SYNPR: variants seen among roughly 807,000 people sequenced by gnomAD.
SYNPR encodes the protein synaptoporin.
In SYNPR, 23 loss-of-function variants were observed where a neutral mutation model predicts 32.9. The ratio of observed to expected loss-of-function variants is 0.70; its 90% CI spans 0.50 to 0.99. SYNPR has a LOEUF of 0.99. Among genes scored for constraint, SYNPR ranks in the 50% least tolerant of loss-of-function variants. SYNPR has a pLI of 0.00. For missense variants in SYNPR, 318 were observed against 349.3 expected (o/e 0.91, Z 0.71); for synonymous variants, 146 against 135.9 (o/e 1.07, Z -0.52).
chr3:63,252,100 A>T (rs1032747880), intron 1 of SYNPR, among the ~76,000 whole-genome samples: 1 of 152,056 alleles, frequency 6.6e-6, no homozygotes, highest in Non-Finnish European at 1.5e-5. Context: ...GATATAAAAG[A>T]TCTGCAAGAT....
chr3:63,561,640 T>C (rs1014532915), intron 4 of SYNPR: 3 of 152,202 alleles, frequency 2.0e-5, no homozygotes, highest in African/African-American at 4.8e-5. Flanking sequence ...TCTGGAGATA[T>C]GGAATGACAG....
chr3:63,556,466 T>C (rs1275537834), intron 3 of SYNPR, 77 bp from the exon 4 acceptor site: 3 of 1,345,560 alleles, frequency 2.2e-6, no homozygotes, highest in East Asian at 2.5e-5. Flanking sequence ...CATTTTGCTT[T>C]AGAAGATGTA....
At chr3:63,308,705 A>C (rs1052952208) in intron 2 of SYNPR, among the ~76,000 whole-genome samples, 1 of 151,940 alleles carries the variant, frequency 6.6e-6, no homozygotes, top group African/African-American at 2.4e-5. Context: ...TCCTCTGTAC[A>C]TAATGTGTCT....
intron 2 of SYNPR, among the ~76,000 whole-genome samples, chr3:63,429,811 T>C (rs1699960032): frequency 6.6e-6 from 1 of 152,228 alleles, no homozygotes; most frequent in Non-Finnish European, 1.5e-5. Flanking sequence ...TGCTCCTTCA[T>C]TGTTTTTGTG....
chr3:63,588,878 G>T (rs532373946), intron 4 of SYNPR, among the ~76,000 whole-genome samples: 1 of 152,052 alleles, frequency 6.6e-6, no homozygotes, highest in South Asian at 2.1e-4. Flanking sequence ...AAGAGGGATA[G>T]GGTTGCAGGT....
chr3:63,272,341 A>G (rs915078547), intron 3 of SYNPR, among the ~76,000 whole-genome samples: 1 of 152,162 alleles, frequency 6.6e-6, no homozygotes, highest in African/African-American at 2.4e-5. Context: ...TAGAGCCAGG[A>G]TATGATGAAC....
At chr3:63,256,456 C>A (rs2086384566) in intron 2 of SYNPR, among the ~76,000 whole-genome samples, 1 of 152,218 alleles carries the variant, frequency 6.6e-6, no homozygotes, top group Admixed American at 6.5e-5. Flanking sequence ...CCCAGGCAAA[C>A]AGGGTCTGGA....
chr3:63,478,062 G>T (rs1437631124), intron 2 of SYNPR, among the ~76,000 whole-genome samples: 1 of 152,152 alleles, frequency 6.6e-6, no homozygotes, highest in Non-Finnish European at 1.5e-5. Flanking sequence ...AAGCCCATAG[G>T]TATCATATTT....
intron 2 of SYNPR, among the ~76,000 whole-genome samples, chr3:63,438,111 G>A (rs1241332114): frequency 2.6e-5 from 4 of 152,170 alleles, no homozygotes; most frequent in Non-Finnish European, 5.9e-5. Context: ...TTGGGCTGAG[G>A]ATACAGAGAT....
chr3:63,280,309 A>T (rs4688386), intron 2 of SYNPR, among the ~76,000 whole-genome samples: 96,995 of 151,962 alleles, frequency 0.64, 31,465 homozygotes, highest in South Asian at 0.73. Flanking sequence ...TACAGGTTTC[A>T]GGCTACCAAA....
intron 1 of SYNPR, among the ~76,000 whole-genome samples, chr3:63,244,931 G>C (rs1030661214): frequency 6.6e-6 from 1 of 152,008 alleles, no homozygotes; most frequent in Non-Finnish European, 1.5e-5. Context: ...CTGCTTCAAA[G>C]AAATAATCAA....
intron 2 of SYNPR, among the ~76,000 whole-genome samples, chr3:63,412,175 GT>G (rs1560222561): frequency 1.3e-5 from 2 of 152,236 alleles, no homozygotes; most frequent in East Asian, 3.9e-4. Flanking sequence ...CACTGGAAGA[GT>G]ATCAGATTTG....
intron 2 of SYNPR, among the ~76,000 whole-genome samples, chr3:63,305,902 G>T (rs1264392967): frequency 1.3e-5 from 2 of 151,962 alleles, no homozygotes; most frequent in Non-Finnish European, 2.9e-5. Context: ...AATGGCTAAA[G>T]ATGTTAAAAC....
At chr3:63,232,162 G>T (rs957933507) in intron 1 of SYNPR, among the ~76,000 whole-genome samples, 4 of 148,656 alleles carry the variant, frequency 2.7e-5, no homozygotes, top group Non-Finnish European at 5.9e-5. Flanking sequence ...GTTCTCAAGG[G>T]CTGTCTCAAG....
chr3:63,380,160 G>A (rs549504489), intron 2 of SYNPR, among the ~76,000 whole-genome samples: 2 of 152,272 alleles, frequency 1.3e-5, no homozygotes, highest in African/African-American at 4.8e-5. Context: ...ATCCGCATGT[G>A]TCTTTATAGC....
At chr3:63,354,417 T>C (rs1245186629) in intron 2 of SYNPR, among the ~76,000 whole-genome samples, 1 of 152,210 alleles carries the variant, frequency 6.6e-6, no homozygotes, top group Non-Finnish European at 1.5e-5. Context: ...TAATTCATCA[T>C]GAATGTCAAA....
chr3:63,283,040 T>C (rs958301080), intron 2 of SYNPR, among the ~76,000 whole-genome samples: 2 of 152,156 alleles, frequency 1.3e-5, no homozygotes, highest in African/African-American at 4.8e-5. Context: ...TGAGATGCAG[T>C]AGGTAGAGAA....
At chr3:63,312,343 A>AATTCACAGCCTCCTACCAGTTGGG (rs1311578955) in intron 2 of SYNPR, among the ~76,000 whole-genome samples, 1 of 151,892 alleles carries the variant, frequency 6.6e-6, no homozygotes, top group Admixed American at 6.6e-5. Flanking sequence ...TAAAACTATA[A>AATTCACAGCCTCCTACCAGTTGGG]ATTCACAGCC....
At chr3:63,372,853 A>G (rs1436649777) in intron 2 of SYNPR, among the ~76,000 whole-genome samples, 5 of 152,230 alleles carry the variant, frequency 3.3e-5, no homozygotes, top group African/African-American at 7.2e-5. Flanking sequence ...CAGAGCACTG[A>G]GAAAGAGTAC....
Sources: gnomAD v4.1 joint callset for allele counts (sites outside exome capture counted in the v4.1 genomes callset) on GRCh38, gnomAD v4.1.1 for gene constraint, MANE v1.5 for transcripts, NCBI Gene and HGNC (gene_info 2026-07-23, HGNC 2026-07-21) for gene names.